The following ENPP1 variants were observed in gnomAD, a reference collection of about 807,000 sequenced individuals.
ENPP1 encodes the protein ectonucleotide pyrophosphatase/phosphodiesterase 1, also known as ectonucleotide pyrophosphatase/phosphodiesterase family member 1.
A neutral mutation model predicts 122.8 loss-of-function variants in ENPP1; 73 were observed. That is an observed-to-expected ratio of 0.59 (90% CI 0.49 to 0.72). ENPP1 has a LOEUF of 0.72. ENPP1 is among the 30% of genes least tolerant of loss of function. The pLI is 0.00. For missense variants in ENPP1, 978 were observed against 1,128.1 expected, an observed-to-expected ratio of 0.87 and a Z score of 1.91; for synonymous variants, 367 against 391.6, an observed-to-expected ratio of 0.94 and a Z score of 0.74.
chr6:131,808,322 G>A (rs1383326354), intron 1 of ENPP1, 47 bp downstream of exon 1: 85 of 1,467,954 alleles, frequency 5.8e-5, no homozygotes, highest in Non-Finnish European at 7.2e-5. Context: ...TGGGAGTACG[G>A]GGAGGGCGGC....
chr6:131,878,673 G>C, intron 19 of ENPP1, 80 bp downstream of exon 19: 1 of 1,048,346 alleles, frequency 9.5e-7, no homozygotes, highest in Admixed American at 1.7e-5. Flanking sequence ...AACTGGCTTG[G>C]GGGTATTATT....
chr6:131,816,178 A>G (rs1237881757), intron 1 of ENPP1, among the ~76,000 whole-genome samples: 1 of 152,168 alleles, frequency 6.6e-6, no homozygotes, highest in Non-Finnish European at 1.5e-5. Flanking sequence ...AATGTATTTC[A>G]TCTATATTGT....
intron 7 of ENPP1, 59 bp from the exon 8 acceptor site, chr6:131,860,328 T>A: frequency 7.9e-7 from 1 of 1,267,170 alleles, no homozygotes. Context: ...TTTTTTTCTG[T>A]GAATGTATTT....
At chr6:131,809,210 G>A (rs1300602140) in intron 1 of ENPP1, among the ~76,000 whole-genome samples, 1 of 152,142 alleles carries the variant, frequency 6.6e-6, no homozygotes, top group Non-Finnish European at 1.5e-5. Context: ...CATTTTTATT[G>A]TATTATATGG....
At chr6:131,808,318 T>G in intron 1 of ENPP1, 43 bp downstream of exon 1, 1 of 1,471,386 alleles carries the variant, frequency 6.8e-7, no homozygotes, top group Admixed American at 2.3e-5. Flanking sequence ...GGGCTGGGAG[T>G]ACGGGGAGGG....
rs534417948 is a variant in ENPP1 at position 131,891,782 on chromosome 6, C to T, written c.*1271C>T. 7.8e-6 allele frequency: 1 copy of T among 128,162 alleles called. No individual in the cohort carries two copies. Among genetic ancestry groups the T allele is most frequent in the South Asian group, 2.7e-4 (1 of 3,660 alleles). 7.9% of individuals were successfully genotyped at this position (128,162 alleles called of 1,614,324 possible). A position where few individuals can be genotyped will look rare whatever the true frequency, so the allele number is the denominator to read the frequency against. On this transcript the variant is annotated 3_prime_UTR_variant, in exon 25 of 25. Coordinates refer to ENST00000647893, the MANE Select transcript of ENPP1 (RefSeq NM_006208.3). ...TTTTTTTTTTTCAGTCCTGCAGTTTCCTGAAGCTCTGTATATGATATTTTT... is the reference window on the plus strand; with the variant it reads ...TTTTTTTTTTTCAGTCCTGCAGTTTTCTGAAGCTCTGTATATGATATTTTT...
intron 13 of ENPP1, among the ~76,000 whole-genome samples, chr6:131,870,945 A>G (rs1048276491): frequency 8.5e-5 from 13 of 152,122 alleles, no homozygotes; most frequent in Non-Finnish European, 1.9e-4. Context: ...GCGTGGTGGC[A>G]TGTGCCTGCA....
chr6:131,873,029 A>C lies in ENPP1; in HGVS notation c.1544A>C (p.Asp515Ala). 6.2e-7 allele frequency: 1 copy of C among 1,613,754 alleles called. No homozygotes were observed. Among genetic ancestry groups the C allele is most frequent in the Non-Finnish European group, 8.5e-7 (1 of 1,179,742 alleles). Residue 515 changes from aspartate (D) to alanine (A), a missense_variant, in exon 15 of 25, where the codon GAC becomes GCC. Physicochemically the swap from Asp to Ala is moderately radical, Grantham distance 126 (BLOSUM62 -2). Coordinates refer to ENST00000647893, the MANE Select transcript of ENPP1 (RefSeq NM_006208.3). ...ATTGAGCCCTTGACATTCTATTTGG[A>C]CCCTCAGTGGCAACTTGCATTGTAA... ...DRIEPLTFYLDPQWQLALNPS... is the reference protein window; with the variant it reads ...DRIEPLTFYLAPQWQLALNPS...
intron 9 of ENPP1, among the ~76,000 whole-genome samples, chr6:131,862,506 C>T (rs2114704353): frequency 6.6e-6 from 1 of 152,120 alleles, no homozygotes; most frequent in African/African-American, 2.4e-5. Flanking sequence ...ATCAGTCTCC[C>T]CGAGCATTTT....
At chr6:131,890,308 G>T (rs1782451069) in intron 24 of ENPP1, 33 bp from the exon 25 acceptor site, 3 of 1,585,634 alleles carry the variant, frequency 1.9e-6, no homozygotes, top group Non-Finnish European at 1.7e-6. Context: ...TGTTCTCTTG[G>T]TAACTTTTCT....
At position 131,830,862 on chromosome 6, in the gene ENPP1, G is replaced by A. The variant is rs1781601909; in HGVS notation, c.241-16914G>A. On this transcript the variant is annotated intron_variant, in intron 1 of 24. Coordinates refer to ENST00000647893, the MANE Select transcript of ENPP1 (RefSeq NM_006208.3). ...TGGGTGGCTCACGCCTGTAATCCCA[G>A]CATTCTGGAAGGCCGAGGTGGGTGG... Among the ~76,000 whole-genome samples the A allele has an allele frequency of 2.0e-5, 3 of 151,928 alleles. No individual in the cohort carries two copies. In the South Asian group the frequency reaches 6.2e-4, roughly 31 times the overall value.
rs964668671 is a variant in ENPP1 at position 131,827,541 on chromosome 6, A to G, written c.240+19266A>G. 1.1e-4 allele frequency: 67 copies of G among 611,152 alleles called. No homozygotes were observed. The African/African-American group carries it at 1.1e-3, about 10-fold the overall frequency. The allele number at this position is 611,152 out of a possible 1,614,324, so 37.9% of individuals were successfully genotyped here. A position where few individuals can be genotyped will look rare whatever the true frequency, so the allele number is the denominator to read the frequency against. ...GTAGGCTTATATCCTGTAAAAGCCT[A>G]CATGTCAACTGAACAGTCAATTTAA... On this transcript the variant is annotated intron_variant, in intron 1 of 24. Coordinates refer to ENST00000647893, the MANE Select transcript of ENPP1 (RefSeq NM_006208.3).
intron 9 of ENPP1, among the ~76,000 whole-genome samples, chr6:131,863,375 G>T (rs1292495146): frequency 6.6e-6 from 1 of 152,054 alleles, no homozygotes; most frequent in African/African-American, 2.4e-5. Context: ...CTCTTTGGCC[G>T]ATTTGAGCAA....
chr6:131,840,978 A>C (rs1781732068), intron 1 of ENPP1, among the ~76,000 whole-genome samples: 1 of 152,140 alleles, frequency 6.6e-6, no homozygotes, highest in Non-Finnish European at 1.5e-5. Flanking sequence ...CCTGATTTTC[A>C]TGTGACTAGT....
chr6:131,857,723 C>T (rs976277479), intron 6 of ENPP1, among the ~76,000 whole-genome samples: 1 of 152,050 alleles, frequency 6.6e-6, no homozygotes, highest in African/African-American at 2.4e-5. Context: ...GTGGGTGCAG[C>T]GCACCAGCAT....
chr6:131,831,765 T>C (rs1033393101), intron 1 of ENPP1, among the ~76,000 whole-genome samples: 1 of 152,240 alleles, frequency 6.6e-6, no homozygotes, highest in Non-Finnish European at 1.5e-5. Flanking sequence ...TCATTGATGA[T>C]GTTAACCTTG....
At chr6:131,828,130 G>A in intron 1 of ENPP1, 1 of 582,724 alleles carries the variant, frequency 1.7e-6, no homozygotes. Context: ...GTCAGTGGAG[G>A]TCGTTCTGGA....
chr6:131,840,942 C>G (rs1267199061), intron 1 of ENPP1, among the ~76,000 whole-genome samples: 1 of 152,144 alleles, frequency 6.6e-6, no homozygotes, highest in Non-Finnish European at 1.5e-5. Flanking sequence ...ATGTGATGTG[C>G]TTGTTCAGTG....
chr6:131,818,662 T>C (rs1397576726), intron 1 of ENPP1, among the ~76,000 whole-genome samples: 1 of 146,184 alleles, frequency 6.8e-6, no homozygotes, highest in Non-Finnish European at 1.5e-5. Flanking sequence ...AAAAAAAAAA[T>C]GTCCTTGATG....
Sources: allele counts gnomAD v4.1 joint callset (sites outside exome capture counted in the v4.1 genomes callset), GRCh38; gene constraint gnomAD v4.1.1; transcripts MANE v1.5; gene names NCBI Gene and HGNC (gene_info 2026-07-23, HGNC 2026-07-21).